RPS6KA2: variants seen among roughly 807,000 people sequenced by gnomAD.
RPS6KA2 encodes ribosomal protein S6 kinase alpha-2.
In RPS6KA2, 42 loss-of-function variants were observed where a neutral mutation model predicts 91.8. That is an observed-to-expected ratio of 0.46 (90% CI 0.36 to 0.59). RPS6KA2 has a LOEUF of 0.59. RPS6KA2 is among the 20% of genes least tolerant of loss of function. The probability of loss-of-function intolerance (pLI) is 0.00; values close to 1 mark genes in which losing one functional copy is unlikely to be tolerated. For synonymous variants in RPS6KA2, 414 were observed against 393.6 expected (o/e 1.05, Z -0.61); for missense variants, 798 against 978.5 (o/e 0.82, Z 2.46).
At chr6:166,826,093 A>G (rs1002487639) in intron 2 of RPS6KA2, among the ~76,000 whole-genome samples, 2 of 152,232 alleles carry the variant, frequency 1.3e-5, no homozygotes, top group Non-Finnish European at 2.9e-5. Flanking sequence ...GTTGGTGGAT[A>G]TTTTAAGTTT....
At chr6:166,550,955 C>T (rs1783999665) in intron 1 of RPS6KA2, among the ~76,000 whole-genome samples, 1 of 137,938 alleles carries the variant, frequency 7.2e-6, no homozygotes, top group South Asian at 2.3e-4. Context: ...GAGCCGAGAT[C>T]ACGACACTCC....
rs1193372303 is a variant in RPS6KA2, at chr6:166,639,602, CTCCTTCCTCCAGGGTGCAG to C, written c.124-100837_124-100819del. 1.3e-5 allele frequency among the ~76,000 whole-genome samples: 2 copies of C among 152,190 alleles called. No individual in the cohort carries two copies. Among genetic ancestry groups the C allele is most frequent in the South Asian group, 2.1e-4 (1 of 4,824 alleles). ...TTCTTCCATGTTGCGTTTGCCTCTC[CTCCTTCCTCCAGGGTGCAG>C]TCTCTGCTCCTGCCCCGCTGACTTA... On this transcript the variant is annotated intron_variant, in intron 2 of 21. Coordinates refer to the RPS6KA2 transcript ENST00000503859. This position sits in a 1 kb window ranked among gnomAD's most constrained non-coding sequence, Gnocchi z 4.2.
chr6:166,423,462 A>G lies in RPS6KA2; in HGVS notation c.1582-45T>C, dbSNP rs1272621845. 6.4e-7 allele frequency: 1 copy of G among 1,565,564 alleles called. No homozygotes were observed. Among genetic ancestry groups the G allele is most frequent in the African/African-American group, 1.4e-5 (1 of 73,660 alleles). ...GTGCCTACTTGGGGGCTGAGGACTG[A>G]GCAGGAGAGGGAGGGCAGGTGCATT... On this transcript the variant is annotated intron_variant, in intron 16 of 20. Transcript: ENST00000265678. This position sits in a 1 kb window ranked among gnomAD's most constrained non-coding sequence, Gnocchi z 4.8.
At chr6:166,676,972 G>C (rs188964572) in intron 2 of RPS6KA2, among the ~76,000 whole-genome samples, 2 of 152,232 alleles carry the variant, frequency 1.3e-5, no homozygotes, top group East Asian at 3.8e-4. Context: ...GTAGTGTGTC[G>C]TGATGTTCTC....
chr6:166,736,473 C>T (rs1274295382), intron 2 of RPS6KA2, among the ~76,000 whole-genome samples: 1 of 152,188 alleles, frequency 6.6e-6, no homozygotes, highest in Admixed American at 6.5e-5. Context: ...TTCCATAATG[C>T]TCCCCATGTC....
intron 2 of RPS6KA2, chr6:166,702,060 A>G: frequency 8.3e-7 from 1 of 1,204,936 alleles, no homozygotes. Flanking sequence ...ATAGACTTAC[A>G]AGCCGCAGAG....
At chr6:166,614,476 G>A (rs1459442259) in intron 1 of RPS6KA2, among the ~76,000 whole-genome samples, 10 of 152,208 alleles carry the variant, frequency 6.6e-5, no homozygotes, top group Non-Finnish European at 4.4e-5. Context: ...GCCCCTGCCC[G>A]TGTCCCTCCC....
chr6:166,764,164 G>A (rs1778244609), intron 2 of RPS6KA2, among the ~76,000 whole-genome samples: 1 of 152,204 alleles, frequency 6.6e-6, no homozygotes, highest in South Asian at 2.1e-4. Context: ...GAGGGCGTGA[G>A]TGAGAGGGTG....
chr6:166,798,833 T>C (rs1165683084), intron 2 of RPS6KA2, among the ~76,000 whole-genome samples: 1 of 152,146 alleles, frequency 6.6e-6, no homozygotes, highest in Non-Finnish European at 1.5e-5. Context: ...CTCCAGGGTG[T>C]GTTCCTGGTG....
rs1285046106 is a variant in RPS6KA2 at position 166,533,623 on chromosome 6, G to T, written c.217-2310C>A. On this transcript the variant is annotated intron_variant, in intron 2 of 20. Transcript: ENST00000265678. This position sits in a 1 kb window ranked among gnomAD's most constrained non-coding sequence, Gnocchi z 4.0. ...GCTGTGGCAACTGAGGACACCTGGTGCAGGACAAACCGGGCAGCCTGGTCA... is the reference window on the plus strand; with the variant it reads ...GCTGTGGCAACTGAGGACACCTGGTTCAGGACAAACCGGGCAGCCTGGTCA... 6.6e-6 allele frequency among the ~76,000 whole-genome samples: 1 copy of T among 152,232 alleles called. No individual in the cohort carries two copies. Among genetic ancestry groups the T allele is most frequent in the Non-Finnish European group, 1.5e-5 (1 of 68,042 alleles).
chr6:166,803,232 C>G (rs543927493), intron 2 of RPS6KA2, among the ~76,000 whole-genome samples: 2 of 152,124 alleles, frequency 1.3e-5, no homozygotes, highest in South Asian at 4.1e-4. Flanking sequence ...GTGCAAGAAG[C>G]GATCTTTTTA....
At chr6:166,850,574 G>A (rs1780714347) in intron 2 of RPS6KA2, among the ~76,000 whole-genome samples, 1 of 152,204 alleles carries the variant, frequency 6.6e-6, no homozygotes, top group Non-Finnish European at 1.5e-5. Flanking sequence ...AGAGGAGAGA[G>A]ATTTTGGAAA....
At chr6:166,579,933 C>T (rs541703907) in intron 1 of RPS6KA2, among the ~76,000 whole-genome samples, 14 of 152,284 alleles carry the variant, frequency 9.2e-5, no homozygotes, top group Middle Eastern at 6.8e-3. Flanking sequence ...GTTATCCCAG[C>T]CAAAAAGAAT....
chr6:166,743,427 C>G (rs115322941), intron 2 of RPS6KA2, among the ~76,000 whole-genome samples: 2 of 152,184 alleles, frequency 1.3e-5, no homozygotes, highest in Admixed American at 6.5e-5. Flanking sequence ...CCAATTTCAG[C>G]GACTTTAGCC....
chr6:166,584,579 G>T (rs1785112745), intron 1 of RPS6KA2, among the ~76,000 whole-genome samples: 1 of 152,166 alleles, frequency 6.6e-6, no homozygotes, highest in South Asian at 2.1e-4. Flanking sequence ...AATGAAAAAT[G>T]CCTGGGCATT....
At chr6:166,820,033 G>A (rs1470040252) in intron 2 of RPS6KA2, among the ~76,000 whole-genome samples, 1 of 152,214 alleles carries the variant, frequency 6.6e-6, no homozygotes, top group Non-Finnish European at 1.5e-5. Context: ...CTGCAAATCT[G>A]AGGTGAAGGG....
At chr6:166,482,544 A>AACCAG (rs1358610199) in intron 10 of RPS6KA2, among the ~76,000 whole-genome samples, 1 of 152,226 alleles carries the variant, frequency 6.6e-6, no homozygotes, top group African/African-American at 2.4e-5. Context: ...TTGTCTCAGA[A>AACCAG]ACCAGAGCCA....
In RPS6KA2 at chr6:166,504,409, AG is replaced by A. The variant is rs573516680; in HGVS notation, c.566+96del. 5.5e-6 allele frequency: 4 copies of A among 728,570 alleles called. No homozygotes were observed. In the East Asian group the frequency reaches 1.1e-4, roughly 19 times the overall value. The allele number at this position is 728,570 out of a possible 1,614,324, so 45.1% of individuals were successfully genotyped here. A position where few individuals can be genotyped will look rare whatever the true frequency, so the allele number is the denominator to read the frequency against. On this transcript the variant is annotated intron_variant, in intron 6 of 20. Transcript: ENST00000265678. ...CCTGCTCTCTGATATGTCCTCATTT[AG>A]GAAATAAATATCTAGCAGTGGCTAC...
chr6:166,468,856 T>TCCATCTCAAAAAA lies in RPS6KA2; in HGVS notation c.972+984_972+985insTTTTTTGAGATGG, dbSNP rs567161437. 9.3e-4 allele frequency among the ~76,000 whole-genome samples: 104 copies of TCCATCTCAAAAAA among 112,158 alleles called. 1 individual carries two copies. The highest frequency in any genetic ancestry group is 3.5e-3 in the African/African-American group (92 of 25,944). 73.6% of individuals were successfully genotyped at this position (112,158 alleles called of 152,430 possible). ...TCCAGCCTGGGCGACAGAGCGAGAC[T>TCCATCTCAAAAAA]AAAAAAAAAAAAAAAAAGAAGACAG... On this transcript the variant is annotated intron_variant, in intron 11 of 20. Coordinates refer to ENST00000265678, the MANE Select transcript of RPS6KA2 (RefSeq NM_021135.6).
Sources: allele counts gnomAD v4.1 joint callset (sites outside exome capture counted in the v4.1 genomes callset), GRCh38; gene constraint gnomAD v4.1.1; non-coding constraint Gnocchi (gnomAD v3.1); transcripts MANE v1.5; gene names NCBI Gene and HGNC (gene_info 2026-07-23, HGNC 2026-07-21).